Variants in ABCC9 observed in about 807,000 individuals in gnomAD.
The protein encoded by ABCC9 is ATP binding cassette subfamily C member 9.
ABCC9 carries 95 observed loss-of-function variants against 188.3 expected under a neutral mutation model. The observed-to-expected ratio is 0.50, with a 90% CI of 0.43 to 0.60. The LOEUF is 0.60. Among genes scored for constraint, ABCC9 ranks in the 20% least tolerant of loss-of-function variants. The pLI, the probability that ABCC9 is intolerant of heterozygous loss-of-function variation, is 0.00. For synonymous variants in ABCC9, 659 were observed against 652.7 expected (o/e 1.01, Z -0.15); for missense variants, 1,102 against 1,876.3 (o/e 0.59, Z 7.62).
At chr12:21,937,961 T>C (rs1949557309) in intron 2 of ABCC9, 2 of 152,216 alleles carry the variant, frequency 1.3e-5, no homozygotes, top group Admixed American at 6.5e-5. Flanking sequence ...TATGTCACAA[T>C]GGATTCTGAG....
At chr12:21,885,687 T>C (rs1946840753) in intron 15 of ABCC9, among the ~76,000 whole-genome samples, 2 of 152,186 alleles carry the variant, frequency 1.3e-5, no homozygotes, top group African/African-American at 4.8e-5. Context: ...AACAAGCATT[T>C]TGAGGCGTTG....
intron 39 of ABCC9, among the ~76,000 whole-genome samples, chr12:21,804,831 C>A (rs1259534858): frequency 6.6e-6 from 1 of 152,238 alleles, no homozygotes; most frequent in East Asian, 1.9e-4. Flanking sequence ...ACAATGCATT[C>A]TCCAGGGCAG....
intron 30 of ABCC9, among the ~76,000 whole-genome samples, chr12:21,837,464 A>C (rs1249091674): frequency 6.6e-6 from 1 of 152,192 alleles, no homozygotes; most frequent in Non-Finnish European, 1.5e-5. Flanking sequence ...TTTCTAGATT[A>C]AATGAAATTT....
intron 22 of ABCC9, among the ~76,000 whole-genome samples, chr12:21,856,956 GCT>G (rs1945257747): frequency 6.6e-6 from 1 of 152,168 alleles, no homozygotes; most frequent in Non-Finnish European, 1.5e-5. Flanking sequence ...TCCGCATTTA[GCT>G]TGAGGATACC....
chr12:21,817,169 CAA>C lies in ABCC9; in HGVS notation c.3892+16_3892+17del, dbSNP rs746514323. 6.2e-7 allele frequency: 1 copy of C among 1,611,346 alleles called. No individual in the cohort carries two copies. ...AAAATAAATATTTAAGTGAGACAAA[CAA>C]TATTTAGAGCAATACCCATTGTGCC... On this transcript the variant is annotated intron_variant, in intron 33 of 39. Transcript: ENST00000261200.
chr12:21,797,855 G>A lies in ABCC9; in HGVS notation c.*3189C>T, dbSNP rs1320153228. 6.6e-6 allele frequency: 1 copy of A among 152,076 alleles called. No homozygotes were observed. The highest frequency in any genetic ancestry group is 1.5e-5 in the Non-Finnish European group (1 of 68,014). The allele number at this position is 152,076 out of a possible 1,614,324, so 9.4% of individuals were successfully genotyped here. On this transcript the variant is annotated 3_prime_UTR_variant, in exon 40 of 40. Coordinates refer to ENST00000261200, the MANE Select transcript of ABCC9 (RefSeq NM_020297.4). ...TTTATGCATTTATTGCTTCTTATGA[G>A]ATTAAGGAGTTATGATTTAAAAATT... is the stretch of plus-strand genomic sequence containing the variant.
intron 18 of ABCC9, 40 bp downstream of exon 18, chr12:21,872,585 G>A: frequency 7.1e-7 from 1 of 1,404,042 alleles, no homozygotes; most frequent in Non-Finnish European, 1.0e-6. Context: ...ATTATCAGAT[G>A]TATGACATAG....
In ABCC9 at chr12:21,860,468, A is replaced by G. The variant is rs140175322; in HGVS notation, c.2424+503T>C. The stretch of plus-strand genomic sequence containing the variant: ...GATAATGCATATAAAGTTTGTGCCC[A>G]GGACTTACAACGATTAAAACATTGT... On this transcript the variant is annotated intron_variant, in intron 21 of 39. Transcript: ENST00000261200. 1.9e-3 allele frequency among the ~76,000 whole-genome samples: 296 copies of G among 152,338 alleles called. 1 individual carries two copies. Among genetic ancestry groups the G allele is most frequent in the African/African-American group, 6.9e-3 (285 of 41,588 alleles).
At chr12:21,926,108 T>A in intron 4 of ABCC9, 45 bp from the exon 5 acceptor site, 1 of 1,613,094 alleles carries the variant, frequency 6.2e-7, no homozygotes, top group Non-Finnish European at 8.5e-7. Context: ...TGGTTCCAGA[T>A]AATTTCTTAT....
chr12:21,824,324 C>T (rs1943237751), intron 31 of ABCC9, among the ~76,000 whole-genome samples: 1 of 152,116 alleles, frequency 6.6e-6, no homozygotes, highest in Non-Finnish European at 1.5e-5. Context: ...ACCAGCTTTG[C>T]ATCCCAGGGA....
At chr12:21,894,473 G>C (rs1418983061) in intron 13 of ABCC9, among the ~76,000 whole-genome samples, 1 of 152,148 alleles carries the variant, frequency 6.6e-6, no homozygotes, top group Non-Finnish European at 1.5e-5. Flanking sequence ...GGAGAACCCA[G>C]AGTTTTCAAC....
At chr12:21,877,415 G>A (rs571897221) in intron 16 of ABCC9, among the ~76,000 whole-genome samples, 6 of 152,256 alleles carry the variant, frequency 3.9e-5, no homozygotes, top group African/African-American at 1.4e-4. Flanking sequence ...ATAGGCTGAA[G>A]ATCAAAAAAA....
At chr12:21,805,114 A>T in intron 39 of ABCC9, 1 of 1,610,028 alleles carries the variant, frequency 6.2e-7, no homozygotes, top group Non-Finnish European at 8.5e-7. Flanking sequence ...CCTTACTGAG[A>T]GGATACTGCT....
Position 21,844,766 on chromosome 12 carries a change from C to T in ABCC9, c.3245+1G>A. ...GGAGTGAGAAATAACCACTGTTTTA[C>T]CTTATTGGTCCAAGGATTATCTTAT... On this transcript the variant is annotated splice_donor_variant, in intron 27 of 39. Coordinates refer to ENST00000261200, the MANE Select transcript of ABCC9 (RefSeq NM_020297.4). LOFTEE classifies it high-confidence loss of function. The T allele has an allele frequency of 6.2e-7, 1 of 1,613,762 alleles. No individual in the cohort carries two copies. The highest frequency in any genetic ancestry group is 8.5e-7 in the Non-Finnish European group (1 of 1,179,786).
chr12:21,825,519 C>T lies in ABCC9; in HGVS notation c.3669+3439G>A, dbSNP rs147625164. ...GGACATGGATGAAGCTGGAAACCAT[C>T]ATCCTCAGCAAACTAACACAGGAAC... is the stretch of plus-strand genomic sequence containing the variant. On this transcript the variant is annotated intron_variant, in intron 31 of 39. Coordinates refer to ENST00000261200, the MANE Select transcript of ABCC9 (RefSeq NM_020297.4). 9.5e-4 allele frequency among the ~76,000 whole-genome samples: 145 copies of T among 152,144 alleles called. No homozygotes were observed. The East Asian group carries it at 0.023, about 24-fold the overall frequency.
At chr12:21,837,321 GTC>G in intron 30 of ABCC9, among the ~76,000 whole-genome samples, 1 of 152,218 alleles carries the variant, frequency 6.6e-6, no homozygotes, top group East Asian at 1.9e-4. Context: ...GTGGATAGTT[GTC>G]TCTCTATATT....
chr12:21,863,377 A>T (rs1400588572), intron 19 of ABCC9, among the ~76,000 whole-genome samples: 1 of 152,142 alleles, frequency 6.6e-6, no homozygotes, highest in East Asian at 1.9e-4. Flanking sequence ...AAAAATAATT[A>T]AAAGATTATA....
chr12:21,868,210 A>C (rs1260763212), intron 18 of ABCC9, among the ~76,000 whole-genome samples: 1 of 152,232 alleles, frequency 6.6e-6, no homozygotes, highest in African/African-American at 2.4e-5. Context: ...TGTATGTTCC[A>C]CGTTCTACCC....
At chr12:21,860,889 G>A in intron 21 of ABCC9, 82 bp downstream of exon 21, 5 of 1,146,044 alleles carry the variant, frequency 4.4e-6, no homozygotes. Flanking sequence ...CAAATTTCAT[G>A]ATTCTCTATT....
Sources: allele counts gnomAD v4.1 joint callset (sites outside exome capture counted in the v4.1 genomes callset), GRCh38; gene constraint gnomAD v4.1.1; transcripts MANE v1.5; gene names NCBI Gene and HGNC (gene_info 2026-07-23, HGNC 2026-07-21).